The following SH3RF1 variants were observed in gnomAD, a reference collection of about 807,000 sequenced individuals.
The protein encoded by SH3RF1 is E3 ubiquitin-protein ligase SH3RF1.
A neutral mutation model predicts 74.0 loss-of-function variants in SH3RF1; 32 were observed. That is an observed-to-expected ratio of 0.43 (90% CI 0.33 to 0.58). The LOEUF is 0.58. Ranked by LOEUF, SH3RF1 falls within the 20% of genes least tolerant of loss-of-function variation. The probability of loss-of-function intolerance (pLI) is 0.05; values close to 1 mark genes in which losing one functional copy is unlikely to be tolerated. For missense variants in SH3RF1, 954 were observed against 1,130.9 expected, an observed-to-expected ratio of 0.84 and a Z score of 2.24; for synonymous variants, 396 against 439.6, an observed-to-expected ratio of 0.90 and a Z score of 1.24.
intron 2 of SH3RF1, among the ~76,000 whole-genome samples, chr4:169,177,577 G>A (rs1734441747): frequency 6.6e-6 from 1 of 152,156 alleles, no homozygotes; most frequent in Non-Finnish European, 1.5e-5. Flanking sequence ...AATTCTGTAT[G>A]TCCACATCAC....
chr4:169,117,464 C>G, intron 9 of SH3RF1, 59 bp downstream of exon 9: 1 of 1,581,068 alleles, frequency 6.3e-7, no homozygotes, highest in East Asian at 2.3e-5. Flanking sequence ...CATAAAAGAT[C>G]TACTATTAGG....
At chr4:169,158,320 T>C (rs184063433) in intron 2 of SH3RF1, among the ~76,000 whole-genome samples, 11 of 152,154 alleles carry the variant, frequency 7.2e-5, no homozygotes, top group Non-Finnish European at 1.5e-4. Flanking sequence ...AAGAGAACAG[T>C]AAGGGCATTC....
chr4:169,199,744 A>T (rs2660424), intron 2 of SH3RF1, among the ~76,000 whole-genome samples: 2 of 152,184 alleles, frequency 1.3e-5, no homozygotes, highest in African/African-American at 4.8e-5. Context: ...TTTAAAAAGA[A>T]AGACAATAAA....
rs181483742 is a variant in SH3RF1, at chr4:169,114,307, T to G, written c.2139+1962A>C. On this transcript the variant is annotated intron_variant, in intron 10 of 11. Coordinates refer to ENST00000284637, the MANE Select transcript of SH3RF1 (RefSeq NM_020870.4). The stretch of plus-strand genomic sequence containing the variant: ...TTTCCCTATCATTCCTACCTCTGCT[T>G]CACCATCACGTCTCCTTCTCTGGCC... Among the ~76,000 whole-genome samples the G allele has an allele frequency of 8.5e-4, 130 of 152,268 alleles. 2 individuals are homozygous for G. The Middle Eastern group carries it at 0.01, about 12-fold the overall frequency.
intron 6 of SH3RF1, among the ~76,000 whole-genome samples, chr4:169,126,761 A>AT (rs1216617540): frequency 5.1e-4 from 76 of 149,452 alleles, no homozygotes; most frequent in African/African-American, 1.6e-3. Flanking sequence ...TTAAAAAAAA[A>AT]TTTTTTTTTT....
In SH3RF1 at chr4:169,156,631, T is replaced by C; in HGVS notation, c.442A>G (p.Lys148Glu). Residue 148 changes from lysine to glutamate, a missense_variant, in exon 3 of 12, where the codon AAA (lysine) becomes GAA (glutamate). Coordinates refer to ENST00000284637, the MANE Select transcript of SH3RF1 (RefSeq NM_020870.4). ...CAKALYNYEG[K>E]EPGDLKFSKG... is the part of the protein sequence containing the mutation. ...CTGAATTTAAGGTCTCCAGGCTCTT[T>C]TCCTTCATAGTTGTATAATGCTTTG... The C allele has an allele frequency of 6.2e-7, 1 of 1,613,996 alleles. No homozygotes were observed. Among genetic ancestry groups the C allele is most frequent in the Non-Finnish European group, 8.5e-7 (1 of 1,179,932 alleles).
At chr4:169,189,281 G>C (rs1734660174) in intron 2 of SH3RF1, among the ~76,000 whole-genome samples, 1 of 152,220 alleles carries the variant, frequency 6.6e-6, no homozygotes, top group Non-Finnish European at 1.5e-5. Context: ...TCATAAAGCA[G>C]GCAGCACCTC....
chr4:169,112,755 T>C (rs564054020), intron 10 of SH3RF1, among the ~76,000 whole-genome samples: 5 of 152,154 alleles, frequency 3.3e-5, no homozygotes, highest in Non-Finnish European at 7.4e-5. Context: ...GAGCTTAAAC[T>C]TGCAAAAATG....
At chr4:169,107,320 G>T in intron 10 of SH3RF1, 115 bp from the exon 11 acceptor site, 4 of 944,072 alleles carry the variant, frequency 4.2e-6, no homozygotes, top group Middle Eastern at 3.4e-4. Context: ...AATTTTTGTG[G>T]GTCCATAGTA....
intron 2 of SH3RF1, among the ~76,000 whole-genome samples, chr4:169,233,248 C>CAAAAAAA (rs372381759): frequency 3.0e-5 from 2 of 65,584 alleles, no homozygotes; most frequent in African/African-American, 6.3e-5. Flanking sequence ...GACTCCATCT[C>CAAAAAAA]AAAAAAAAAA....
At chr4:169,255,425 T>C (rs1399410095) in intron 2 of SH3RF1, among the ~76,000 whole-genome samples, 1 of 152,010 alleles carries the variant, frequency 6.6e-6, no homozygotes, top group South Asian at 2.1e-4. Context: ...CTGCTCTAGA[T>C]ATGAGCTATT....
chr4:169,244,423 T>TA (rs397747567), intron 2 of SH3RF1, among the ~76,000 whole-genome samples: 1 of 151,786 alleles, frequency 6.6e-6, no homozygotes, highest in East Asian at 1.9e-4. Context: ...ATTTTTTTTT[T>TA]AAGCCACTGC....
chr4:169,261,996 C>A (rs1307671687), intron 2 of SH3RF1, among the ~76,000 whole-genome samples: 1 of 151,826 alleles, frequency 6.6e-6, no homozygotes, highest in Non-Finnish European at 1.5e-5. Context: ...AAGAAAAATT[C>A]TATGAGTAAA....
In SH3RF1 at chr4:169,107,218, A is replaced by T; in HGVS notation, c.2140-13T>A. 2 of 1,523,598 alleles carry T rather than the reference A, an allele frequency of 1.3e-6. No homozygotes were observed. The highest frequency in any genetic ancestry group is 1.8e-6 in the Non-Finnish European group (2 of 1,134,930). The allele number at this position is 1,523,598 out of a possible 1,614,324, so 94.4% of individuals were successfully genotyped here. ...CCTTTTTTTCTTTCTGGAAAAAAAA[A>T]ATAATGAGCCTTAGTTGGAGAATGA... On this transcript the variant is annotated splice_polypyrimidine_tract_variant and intron_variant, in intron 10 of 11. Coordinates refer to ENST00000284637, the MANE Select transcript of SH3RF1 (RefSeq NM_020870.4).
chr4:169,187,573 A>T (rs1734631026), intron 2 of SH3RF1, among the ~76,000 whole-genome samples: 2 of 150,022 alleles, frequency 1.3e-5, no homozygotes, highest in South Asian at 4.2e-4. Flanking sequence ...TGTGTAGTTG[A>T]CAAGCAACTT....
intron 2 of SH3RF1, among the ~76,000 whole-genome samples, chr4:169,204,550 C>CTTTTT (rs35188309): frequency 1.8e-5 from 2 of 114,150 alleles, no homozygotes; most frequent in South Asian, 2.9e-4. Flanking sequence ...ATTACCTTCT[C>CTTTTT]TTTTTTTTTT....
At chr4:169,160,938 A>G (rs1734140279) in intron 2 of SH3RF1, among the ~76,000 whole-genome samples, 1 of 152,244 alleles carries the variant, frequency 6.6e-6, no homozygotes, top group South Asian at 2.1e-4. Flanking sequence ...CCATGGAGGC[A>G]CTGCCCTCTC....
At chr4:169,208,058 G>T (rs532511941) in intron 2 of SH3RF1, among the ~76,000 whole-genome samples, 1 of 152,240 alleles carries the variant, frequency 6.6e-6, no homozygotes, top group East Asian at 1.9e-4. Context: ...GGGGTAGGAT[G>T]CTATGCACTA....
chr4:169,240,860 C>G (rs1361503831), intron 2 of SH3RF1, among the ~76,000 whole-genome samples: 1 of 152,150 alleles, frequency 6.6e-6, no homozygotes, highest in African/African-American at 2.4e-5. Context: ...CATGTATTCA[C>G]CAGACCAAAC....
Sources: gnomAD v4.1 joint callset for allele counts (sites outside exome capture counted in the v4.1 genomes callset) on GRCh38, gnomAD v4.1.1 for gene constraint, MANE v1.5 for transcripts, NCBI Gene and HGNC (gene_info 2026-07-23, HGNC 2026-07-21) for gene names.